The following CPED1 variants were observed in gnomAD, a reference collection of about 807,000 sequenced individuals.
CPED1 encodes cadherin-like and PC-esterase domain-containing protein 1.
CPED1 carries 114 observed loss-of-function variants against 128.2 expected under a neutral mutation model. The ratio of observed to expected loss-of-function variants is 0.89; its 90% confidence interval spans 0.76 to 1.04. The LOEUF is 1.04. Among genes scored for constraint, CPED1 ranks in the 50% least tolerant of loss-of-function variants. The probability of loss-of-function intolerance (pLI) is 0.00; values close to 1 mark genes in which losing one functional copy is unlikely to be tolerated. For missense variants in CPED1, 1,211 were observed against 1,207.1 expected, an observed-to-expected ratio of 1.00 and a Z score of -0.05; for synonymous variants, 462 against 426.7, an observed-to-expected ratio of 1.08 and a Z score of -1.02.
At chr7:121,192,801 C>T (rs768256718) in intron 16 of CPED1, among the ~76,000 whole-genome samples, 14 of 151,980 alleles carry the variant, frequency 9.2e-5, no homozygotes, top group Admixed American at 2.6e-4. Flanking sequence ...TATTCACACC[C>T]GATGACAAAG....
chr7:121,133,210 A>G (rs1584536723), intron 12 of CPED1, among the ~76,000 whole-genome samples: 1 of 151,982 alleles, frequency 6.6e-6, no homozygotes, highest in South Asian at 2.1e-4. Context: ...AGGACCAGCA[A>G]TTTTTCTGTC....
intron 17 of CPED1, among the ~76,000 whole-genome samples, chr7:121,242,095 C>G (rs757140534): frequency 6.6e-6 from 1 of 152,104 alleles, no homozygotes; most frequent in African/African-American, 2.4e-5. Context: ...GAGATAGAGC[C>G]CAGGTGTGCA....
intron 2 of CPED1, among the ~76,000 whole-genome samples, chr7:121,004,949 A>G (rs530468904): frequency 1.3e-5 from 2 of 152,246 alleles, no homozygotes; most frequent in African/African-American, 4.8e-5. Flanking sequence ...TCATGCCCCT[A>G]TGTATTTTTA....
chr7:121,202,850 T>A (rs1797429708), intron 16 of CPED1, among the ~76,000 whole-genome samples: 2 of 152,086 alleles, frequency 1.3e-5, no homozygotes, highest in Admixed American at 1.3e-4. Flanking sequence ...AGTAGCTGAG[T>A]CAATGCTATA....
chr7:121,128,423 A>G lies in CPED1; in HGVS notation c.1344A>G (p.Leu448=). ...YQKELNQCLS[L]EEINSIMTFI... is the part of the protein sequence containing the mutation. ...AGGAACTAAATCAGTGTCTGTCCTT[A>G]GAAGAAATTAACTCAATTATGACTT... Residue 448 remains leucine, a synonymous_variant, in exon 11 of 23, where the codon TTA becomes TTG. Coordinates refer to ENST00000310396, the MANE Select transcript of CPED1 (RefSeq NM_024913.5). 1 of 1,604,304 alleles carries G rather than the reference A, an allele frequency of 6.2e-7. No individual in the cohort carries two copies. The highest frequency in any genetic ancestry group is 8.5e-7 in the Non-Finnish European group (1 of 1,171,294).
intron 5 of CPED1, among the ~76,000 whole-genome samples, chr7:121,088,715 CA>C (rs1405673425): frequency 1.1e-5 from 1 of 92,458 alleles, no homozygotes; most frequent in Non-Finnish European, 2.1e-5. Flanking sequence ...ATTCTCCCTG[CA>C]AAAGAAACAG....
At position 121,016,802 on chromosome 7, in the gene CPED1, T is replaced by C. The variant is rs2116817054; in HGVS notation, c.433+954T>C. On this transcript the variant is annotated intron_variant, in intron 3 of 22. Transcript: ENST00000310396. ...AATCAGATTTTTCTCTTTATGATTG[T>C]ACAATATATCTATTTTCCTATTTAT... 2.0e-5 allele frequency among the ~76,000 whole-genome samples: 3 copies of C among 152,352 alleles called. No homozygotes were observed. In the Middle Eastern group the frequency reaches 0.01, roughly 518 times the overall value.
intron 18 of CPED1, among the ~76,000 whole-genome samples, chr7:121,255,662 C>T (rs1791820274): frequency 6.6e-6 from 1 of 151,930 alleles, no homozygotes; most frequent in Admixed American, 6.6e-5. Flanking sequence ...CTAGAAAACC[C>T]TAGAGAATGC....
rs758115832 is a variant in CPED1 at position 121,140,896 on chromosome 7, A to C, written c.1769A>C (p.His590Pro). The C allele has an allele frequency of 6.2e-7, 1 of 1,612,524 alleles. No individual in the cohort carries two copies. Among genetic ancestry groups the C allele is most frequent in the Non-Finnish European group, 8.5e-7 (1 of 1,179,044 alleles). The change falls in exon 15 of 23, where the codon CAT (histidine) becomes CCT (proline). Residue 590 changes from histidine (H) to proline (P), a missense_variant. By Grantham distance (77) the His-to-Pro change is moderately conservative. Coordinates refer to ENST00000310396, the MANE Select transcript of CPED1 (RefSeq NM_024913.5). ...HPHLELNPDF[H>P]PKIKDYYCEV... ...CATTTGGAACTAAATCCTGACTTTC[A>C]TCCAAAGATCAAAGATTATTACTGT...
At chr7:121,273,094 A>G (rs905523071) in intron 22 of CPED1, among the ~76,000 whole-genome samples, 1 of 151,908 alleles carries the variant, frequency 6.6e-6, no homozygotes, top group East Asian at 1.9e-4. Flanking sequence ...TTATCTTTCT[A>G]TTAGATATTG....
intron 21 of CPED1, among the ~76,000 whole-genome samples, chr7:121,269,824 C>T (rs538304199): frequency 6.6e-6 from 1 of 151,992 alleles, no homozygotes; most frequent in East Asian, 1.9e-4. Context: ...TAAAGAAATA[C>T]CAGAGACTAG....
At chr7:120,995,429 AG>A (rs1056250702) in intron 2 of CPED1, among the ~76,000 whole-genome samples, 2 of 152,172 alleles carry the variant, frequency 1.3e-5, no homozygotes, top group Non-Finnish European at 2.9e-5. Flanking sequence ...CTGATGACAC[AG>A]GTAGACATTT....
chr7:121,248,139 G>A (rs921400847), intron 18 of CPED1, among the ~76,000 whole-genome samples: 1 of 152,184 alleles, frequency 6.6e-6, no homozygotes, highest in Admixed American at 6.5e-5. Flanking sequence ...TGCAGCTCAA[G>A]AGTGCTGAGC....
At chr7:121,104,509 T>A (rs1260436938) in intron 7 of CPED1, among the ~76,000 whole-genome samples, 1 of 152,182 alleles carries the variant, frequency 6.6e-6, no homozygotes, top group African/African-American at 2.4e-5. Flanking sequence ...TGTCTGAAGA[T>A]TCTTTGTACT....
chr7:121,214,052 G>A (rs1797704058), intron 16 of CPED1, among the ~76,000 whole-genome samples: 1 of 151,954 alleles, frequency 6.6e-6, no homozygotes, highest in Non-Finnish European at 1.5e-5. Context: ...ACATTTTGAA[G>A]AGTGAAGGTC....
At chr7:121,004,767 C>T (rs980840056) in intron 2 of CPED1, among the ~76,000 whole-genome samples, 5 of 39,472 alleles carry the variant, frequency 1.3e-4, no homozygotes, top group South Asian at 1.7e-3. Context: ...ATTTTCTGAG[C>T]GATAAACAGA....
At chr7:121,215,915 G>A (rs924557910) in intron 16 of CPED1, among the ~76,000 whole-genome samples, 5 of 151,738 alleles carry the variant, frequency 3.3e-5, no homozygotes, top group African/African-American at 1.2e-4. Context: ...TGACAGTAAT[G>A]GCAATAATAA....
In CPED1 at chr7:121,088,552, G is replaced by C. The variant is rs527909063; in HGVS notation, c.617-9147G>C. Among the ~76,000 whole-genome samples the C allele has an allele frequency of 8.6e-5, 13 of 151,364 alleles. No individual in the cohort carries two copies. The East Asian group carries it at 2.5e-3, about 29-fold the overall frequency. ...TGTGCGCCTGTAATTCCAGCTACTC[G>C]GGAGGCTGAGGCAGGAGAATCGCAT... On this transcript the variant is annotated intron_variant, in intron 5 of 22. Coordinates refer to ENST00000310396, the MANE Select transcript of CPED1 (RefSeq NM_024913.5).
intron 16 of CPED1, among the ~76,000 whole-genome samples, chr7:121,156,549 C>T (rs1796287999): frequency 6.6e-6 from 1 of 152,126 alleles, no homozygotes; most frequent in African/African-American, 2.4e-5. Context: ...ATGAATGGAA[C>T]TGGAGGCCAT....
Sources: allele counts gnomAD v4.1 joint callset (sites outside exome capture counted in the v4.1 genomes callset), GRCh38; gene constraint gnomAD v4.1.1; transcripts MANE v1.5; gene names NCBI Gene and HGNC (gene_info 2026-07-23, HGNC 2026-07-21).